The following MDGA2 variants were observed in gnomAD, a reference collection of about 807,000 sequenced individuals.
MDGA2 encodes the protein MAM domain-containing glycosylphosphatidylinositol anchor protein 2.
MDGA2 carries 40 observed loss-of-function variants against 117.8 expected under a neutral mutation model. The observed-to-expected ratio is 0.34, with a 90% CI of 0.26 to 0.44. MDGA2 has a LOEUF of 0.44. Among genes scored for constraint, MDGA2 ranks in the 20% least tolerant of loss-of-function variants. The pLI is 1.00. For missense variants in MDGA2, 1,123 were observed against 1,250.6 expected, an observed-to-expected ratio of 0.90 and a Z score of 1.54; for synonymous variants, 452 against 439.0, an observed-to-expected ratio of 1.03 and a Z score of -0.37.
At chr14:47,585,311 C>T (rs1339244916) in intron 1 of MDGA2, among the ~76,000 whole-genome samples, 1 of 151,870 alleles carries the variant, frequency 6.6e-6, no homozygotes. Context: ...GCAGCATTAG[C>T]ACCACTCAGC....
intron 14 of MDGA2, among the ~76,000 whole-genome samples, chr14:46,864,104 G>A (rs947666204): frequency 7.5e-5 from 9 of 119,310 alleles, no homozygotes; most frequent in Admixed American, 7.2e-4. Flanking sequence ...AAAAGCCAAA[G>A]CTAATTAATA....
At chr14:47,067,580 TAA>T (rs1890131227) in intron 6 of MDGA2, among the ~76,000 whole-genome samples, 1 of 150,734 alleles carries the variant, frequency 6.6e-6, no homozygotes, top group Admixed American at 6.7e-5. Context: ...TCACCTACAC[TAA>T]GAGCCGCGTG....
chr14:47,202,753 G>A (rs1243780538), intron 3 of MDGA2, among the ~76,000 whole-genome samples: 1 of 152,174 alleles, frequency 6.6e-6, no homozygotes, highest in African/African-American at 2.4e-5. Context: ...ACAAGTGACA[G>A]TGTAAATCCA....
intron 7 of MDGA2, chr14:47,058,567 T>C (rs552247539): frequency 1.0e-6 from 1 of 984,934 alleles, no homozygotes; most frequent in East Asian, 1.1e-4. Flanking sequence ...TCAAACTATA[T>C]CCTAGAATAC....
chr14:47,113,801 T>A (rs1881175450), intron 5 of MDGA2, among the ~76,000 whole-genome samples: 1 of 152,112 alleles, frequency 6.6e-6, no homozygotes, highest in Admixed American at 6.5e-5. Flanking sequence ...GCCAATATCA[T>A]ACTGAATGGG....
Position 47,218,158 on chromosome 14 carries a change from C to G in MDGA2, c.458G>C (p.Arg153Thr), listed in dbSNP as rs982602685. 6.4e-7 allele frequency: 1 copy of G among 1,550,698 alleles called. No homozygotes were observed. The highest frequency in any genetic ancestry group is 1.4e-5 in the African/African-American group (1 of 72,958). The change falls in exon 3 of 17, where the codon AGA becomes ACA. Residue 153 changes from arginine (R) to threonine (T), a missense_variant. This residue lies in a region of MDGA2 where 233 missense variants were observed against 200.3 expected (regional missense o/e 1.16). Coordinates refer to ENST00000399232, the MANE Select transcript of MDGA2 (RefSeq NM_001113498.3). The stretch of plus-strand genomic sequence containing the variant: ...ATTGAAGACACTTGAGTCTTGGAAT[C>G]TGTCAGAGGCACTTCCTGCTGTTTT... ...WTKTAGSASD[R>T]FQDSSVFNET...
chr14:47,318,507 G>T (rs1159188818), intron 1 of MDGA2, among the ~76,000 whole-genome samples: 1 of 152,084 alleles, frequency 6.6e-6, no homozygotes. Flanking sequence ...GGTACTCAGA[G>T]CTCCATAAAC....
chr14:46,991,177 A>G (rs953723354), intron 8 of MDGA2, among the ~76,000 whole-genome samples: 1 of 152,218 alleles, frequency 6.6e-6, no homozygotes, highest in Middle Eastern at 3.4e-3. Context: ...AGTTCTGTGG[A>G]AATGTCACAT....
intron 1 of MDGA2, among the ~76,000 whole-genome samples, chr14:47,387,648 G>A (rs1436399050): frequency 6.6e-6 from 1 of 152,096 alleles, no homozygotes; most frequent in Non-Finnish European, 1.5e-5. Context: ...AACATTTGAG[G>A]CAGAAAACAC....
At chr14:47,496,229 T>C (rs977557203) in intron 1 of MDGA2, among the ~76,000 whole-genome samples, 1 of 152,122 alleles carries the variant, frequency 6.6e-6, no homozygotes, top group Non-Finnish European at 1.5e-5. Flanking sequence ...TTTGTACCTA[T>C]CCATATGCTT....
chr14:47,265,396 G>A (rs1887933058), intron 2 of MDGA2, among the ~76,000 whole-genome samples: 1 of 152,040 alleles, frequency 6.6e-6, no homozygotes, highest in Admixed American at 6.6e-5. Flanking sequence ...CACTCCCTAT[G>A]TTATAAAGTT....
At chr14:47,582,542 A>C (rs1468269174) in intron 1 of MDGA2, among the ~76,000 whole-genome samples, 1 of 151,882 alleles carries the variant, frequency 6.6e-6, no homozygotes, top group East Asian at 1.9e-4. Context: ...GTTTCTTATT[A>C]ATTTTTAGTG....
chr14:47,040,186 A>G (rs1010262972), intron 7 of MDGA2, among the ~76,000 whole-genome samples: 9 of 152,196 alleles, frequency 5.9e-5, no homozygotes, highest in African/African-American at 1.9e-4. Flanking sequence ...CCTAATATAT[A>G]CATTAAATAG....
chr14:46,943,781 T>C (rs1296694059), intron 9 of MDGA2, among the ~76,000 whole-genome samples: 1 of 152,138 alleles, frequency 6.6e-6, no homozygotes, highest in Non-Finnish European at 1.5e-5. Context: ...GGAGATTGAT[T>C]GGCAGACTTA....
At chr14:47,569,784 A>G (rs1258828327) in intron 1 of MDGA2, among the ~76,000 whole-genome samples, 1 of 152,246 alleles carries the variant, frequency 6.6e-6, no homozygotes, top group Non-Finnish European at 1.5e-5. Context: ...TATTTCAGGT[A>G]CAGATTATTC....
At chr14:47,481,200 T>C (rs559900561) in intron 1 of MDGA2, among the ~76,000 whole-genome samples, 5 of 152,092 alleles carry the variant, frequency 3.3e-5, no homozygotes, top group Admixed American at 3.3e-4. Flanking sequence ...ACATATAAAG[T>C]GATAAGCGTA....
At chr14:47,167,104 C>A (rs1315275683) in intron 3 of MDGA2, among the ~76,000 whole-genome samples, 1 of 152,040 alleles carries the variant, frequency 6.6e-6, no homozygotes, top group East Asian at 1.9e-4. Context: ...AATCCACCAA[C>A]TCTCTCTATA....
chr14:47,552,734 A>T (rs1441224343), intron 1 of MDGA2, among the ~76,000 whole-genome samples: 1 of 152,176 alleles, frequency 6.6e-6, no homozygotes, highest in Non-Finnish European at 1.5e-5. Context: ...TTTTTAAAAA[A>T]TTTTAAATTC....
At chr14:47,085,508 C>T (rs1890864314) in intron 6 of MDGA2, among the ~76,000 whole-genome samples, 1 of 152,118 alleles carries the variant, frequency 6.6e-6, no homozygotes, top group Non-Finnish European at 1.5e-5. Flanking sequence ...CCACTTCATT[C>T]TTGCTCATGA....
Sources: gnomAD v4.1 joint callset for allele counts (sites outside exome capture counted in the v4.1 genomes callset) on GRCh38, gnomAD v4.1.1 for gene constraint, gnomAD v4.1.1 regional missense constraint, MANE v1.5 for transcripts, NCBI Gene and HGNC (gene_info 2026-07-23, HGNC 2026-07-21) for gene names.